SHTN1: variants seen among roughly 807,000 people sequenced by gnomAD.
The protein encoded by SHTN1 is shootin-1.
Under a neutral mutation model 83.1 loss-of-function variants are expected in SHTN1, and 42 were observed. The ratio of observed to expected loss-of-function variants is 0.51; its 90% CI spans 0.39 to 0.65. The LOEUF (loss-of-function observed/expected upper bound fraction) is 0.65. SHTN1 is among the 30% of genes least tolerant of loss of function. The probability of loss-of-function intolerance (pLI) is 0.00; values close to 1 mark genes in which losing one functional copy is unlikely to be tolerated. For missense variants in SHTN1, 622 were observed against 737.8 expected (o/e 0.84, Z 1.82); for synonymous variants, 224 against 247.7 (o/e 0.90, Z 0.90).
intron 2 of SHTN1, chr10:116,974,197 G>T (rs1850713446): frequency 2.0e-5 from 19 of 941,254 alleles, no homozygotes; most frequent in Non-Finnish European, 2.4e-5. Context: ...CATCAGAACA[G>T]AGATCCTTGC....
intron 12 of SHTN1, among the ~76,000 whole-genome samples, chr10:116,917,948 C>T (rs1381471118): frequency 6.6e-6 from 1 of 152,244 alleles, no homozygotes; most frequent in Admixed American, 6.5e-5. Context: ...CAAGCTTTCT[C>T]TCTTGCCGAC....
intron 2 of SHTN1, among the ~76,000 whole-genome samples, chr10:117,044,588 G>T (rs1852634699): frequency 6.6e-6 from 1 of 152,046 alleles, no homozygotes; most frequent in South Asian, 2.1e-4. Flanking sequence ...TGAAATCAAA[G>T]AAGTAATTTA....
At chr10:116,951,726 A>G (rs889185240) in intron 6 of SHTN1, among the ~76,000 whole-genome samples, 183 bp downstream of exon 6, 9 of 152,252 alleles carry the variant, frequency 5.9e-5, no homozygotes, top group African/African-American at 9.6e-5. Flanking sequence ...TAGTGGGTAC[A>G]TGAATCTTCA....
chr10:116,933,222 GGTTT>G (rs1431964048), intron 9 of SHTN1, among the ~76,000 whole-genome samples: 1 of 151,884 alleles, frequency 6.6e-6, no homozygotes, highest in Non-Finnish European at 1.5e-5. Flanking sequence ...AGAATGTGCA[GGTTT>G]GTTACATAGG....
chr10:116,958,066 A>G (rs535845330), intron 4 of SHTN1, among the ~76,000 whole-genome samples: 1 of 152,012 alleles, frequency 6.6e-6, no homozygotes, highest in South Asian at 2.2e-4. Context: ...TTTCAAAAAG[A>G]AAAAAAAGAA....
At chr10:116,969,036 T>A (rs540438424) in intron 2 of SHTN1, among the ~76,000 whole-genome samples, 1 of 152,258 alleles carries the variant, frequency 6.6e-6, no homozygotes, top group Non-Finnish European at 1.5e-5. Flanking sequence ...CCTATTTTTA[T>A]GTTTGGCTAA....
chr10:117,071,595 G>C (rs1431739932), intron 1 of SHTN1, among the ~76,000 whole-genome samples: 4 of 152,176 alleles, frequency 2.6e-5, no homozygotes. Context: ...ATAAACTTGT[G>C]AGGTGTTTTA....
chr10:116,987,747 T>C (rs980048517), intron 1 of SHTN1, among the ~76,000 whole-genome samples: 5 of 152,118 alleles, frequency 3.3e-5, no homozygotes, highest in Middle Eastern at 3.4e-3. Flanking sequence ...AAACCCCGTC[T>C]CTACTAAAAA....
intron 1 of SHTN1, among the ~76,000 whole-genome samples, chr10:117,003,656 C>T (rs185609136): frequency 1.3e-5 from 2 of 151,982 alleles, no homozygotes; most frequent in Non-Finnish European, 2.9e-5. Flanking sequence ...TTAGTCAGGT[C>T]GGCCTTGATT....
intron 7 of SHTN1, among the ~76,000 whole-genome samples, chr10:116,947,788 C>T (rs1250840329): frequency 1.3e-5 from 2 of 152,164 alleles, no homozygotes; most frequent in Non-Finnish European, 2.9e-5. Context: ...TCTCTGAAGG[C>T]AAGATCTACA....
intron 1 of SHTN1, among the ~76,000 whole-genome samples, chr10:117,112,623 A>G (rs1267778569): frequency 6.6e-6 from 1 of 152,204 alleles, no homozygotes; most frequent in Non-Finnish European, 1.5e-5. Context: ...GATTTGGCCA[A>G]AGCTCCAGAG....
chr10:116,962,049 C>G (rs969293673), intron 3 of SHTN1, among the ~76,000 whole-genome samples: 13 of 121,932 alleles, frequency 1.1e-4, no homozygotes, highest in East Asian at 3.0e-4. Context: ...GCTCCCCCCC[C>G]CTTCCACATC....
At chr10:117,042,629 C>CTT (rs112611939) in intron 2 of SHTN1, among the ~76,000 whole-genome samples, 88 of 149,588 alleles carry the variant, frequency 5.9e-4, no homozygotes, top group African/African-American at 1.8e-3. Context: ...GCAACACTTC[C>CTT]TTTTTTTTTT....
intron 16 of SHTN1, among the ~76,000 whole-genome samples, chr10:116,896,676 A>C (rs1847532397): frequency 6.6e-6 from 1 of 152,198 alleles, no homozygotes; most frequent in Non-Finnish European, 1.5e-5. Flanking sequence ...AATTACTGAC[A>C]CTATTCTCTT....
chr10:117,072,195 C>T lies in SHTN1; in HGVS notation c.-188-23685G>A, dbSNP rs1853090725. On this transcript the variant is annotated intron_variant, in intron 1 of 17. Transcript: ENST00000392901. ...TTCTCCTGTGCTGGATGCTTCCTGG[C>T]CTCAAACATTGGATTACAAGTTCTT... 2.0e-5 allele frequency among the ~76,000 whole-genome samples: 3 copies of T among 152,188 alleles called. No individual in the cohort carries two copies. The South Asian group carries it at 6.2e-4, about 31-fold the overall frequency.
chr10:117,032,358 C>T (rs189994082), intron 2 of SHTN1, among the ~76,000 whole-genome samples: 113 of 152,142 alleles, frequency 7.4e-4, no homozygotes, highest in African/African-American at 2.5e-3. Flanking sequence ...CACCTACCAC[C>T]GTGCCCGGCT....
At position 116,882,000 on chromosome 10, in the gene SHTN1, T is replaced by A. The variant is rs1847030683; in HGVS notation, c.*4344A>T. The stretch of plus-strand genomic sequence containing the variant: ...AGTCAAACACCCCATCCTTTACCAA[T>A]CAGAATATCTCTGAGAACAAAAACC... On this transcript the variant is annotated 3_prime_UTR_variant, in exon 17 of 17. Coordinates refer to ENST00000355371, the MANE Select transcript of SHTN1 (RefSeq NM_001127211.3). The A allele has an allele frequency of 5.2e-6, 1 of 192,678 alleles. No homozygotes were observed. Among genetic ancestry groups the A allele is most frequent in the Admixed American group, 6.1e-5 (1 of 16,410 alleles). 11.9% of individuals were successfully genotyped at this position (192,678 alleles called of 1,614,324 possible). A position where few individuals can be genotyped will look rare whatever the true frequency, so the allele number is the denominator to read the frequency against.
chr10:116,990,858 C>T (rs1479545589), intron 1 of SHTN1, among the ~76,000 whole-genome samples: 1 of 152,002 alleles, frequency 6.6e-6, no homozygotes, highest in Non-Finnish European at 1.5e-5. Flanking sequence ...ATCTTCTACT[C>T]CCTCTTTGAA....
chr10:117,077,191 G>A (rs1302066464), intron 1 of SHTN1, among the ~76,000 whole-genome samples: 1 of 152,186 alleles, frequency 6.6e-6, no homozygotes, highest in Non-Finnish European at 1.5e-5. Flanking sequence ...AGAAAGTGTG[G>A]TCATATGTCA....
Sources: allele counts gnomAD v4.1 joint callset (sites outside exome capture counted in the v4.1 genomes callset), GRCh38; gene constraint gnomAD v4.1.1; transcripts MANE v1.5; gene names NCBI Gene and HGNC (gene_info 2026-07-23, HGNC 2026-07-21).